Variants in KLF12 observed in about 807,000 individuals in gnomAD.
KLF12 encodes Krueppel-like factor 12.
KLF12 carries 9 observed loss-of-function variants against 37.8 expected under a neutral mutation model. The observed-to-expected ratio is 0.24, with a 90% confidence interval of 0.14 to 0.42. The LOEUF (loss-of-function observed/expected upper bound fraction) is 0.42. Ranked by LOEUF, KLF12 falls within the 10% of genes least tolerant of loss-of-function variation. KLF12 has a pLI of 1.00. For missense variants in KLF12, 411 were observed against 516.0 expected (o/e 0.80, Z 1.97); for synonymous variants, 208 against 202.1 (o/e 1.03, Z -0.25).
chr13:74,087,079 T>A (rs1056176056), intron 1 of KLF12, among the ~76,000 whole-genome samples: 2 of 152,184 alleles, frequency 1.3e-5, no homozygotes, highest in Non-Finnish European at 2.9e-5. Flanking sequence ...GGGTCAACTG[T>A]GCTGTCTGGA....
chr13:73,829,959 T>C (rs570847974), intron 4 of KLF12, among the ~76,000 whole-genome samples: 6 of 152,220 alleles, frequency 3.9e-5, no homozygotes, highest in Non-Finnish European at 5.9e-5. Context: ...CAAAATTATA[T>C]AGTTAAAACT....
rs796627936 is a variant in KLF12, at chr13:73,987,687, GAGA to G, written c.33+7300_33+7302del. 7.2e-5 allele frequency among the ~76,000 whole-genome samples: 10 copies of G among 139,430 alleles called. No homozygotes were observed. The South Asian group carries it at 1.1e-3, about 15-fold the overall frequency. The allele number at this position is 139,430 out of a possible 152,430, so 91.5% of individuals were successfully genotyped here. On this transcript the variant is annotated intron_variant, in intron 2 of 7. Transcript: ENST00000377669. ...GGAAGAGAGGAAATTGGAGAGAGGA[GAGA>G]AGAAGTGGGAGAGGAGAGAGAAAGT...
chr13:74,068,558 C>CTTT (rs71115634), intron 1 of KLF12, among the ~76,000 whole-genome samples: 6 of 135,148 alleles, frequency 4.4e-5, no homozygotes, highest in Non-Finnish European at 6.3e-5. Flanking sequence ...AAATTTTTTT[C>CTTT]TTTTTTTTTT....
intron 5 of KLF12, among the ~76,000 whole-genome samples, chr13:73,770,061 AAGC>A (rs1880172672): frequency 6.6e-6 from 1 of 152,222 alleles, no homozygotes; most frequent in Admixed American, 6.5e-5. Flanking sequence ...ACATTGTGCA[AAGC>A]ATTAAACATA....
Position 74,080,017 on chromosome 13 carries a change from T to C in KLF12, c.-32+53722A>G, listed in dbSNP as rs549846061. 1.3e-3 allele frequency among the ~76,000 whole-genome samples: 194 copies of C among 152,318 alleles called. 1 individual carries two copies. The highest frequency in any genetic ancestry group is 1.4e-3 in the Non-Finnish European group (97 of 68,028). ...GGATACACAAAATGTGGTAGACACA[T>C]ACTATGTACTATTATTCAGCCTTAT... On this transcript the variant is annotated intron_variant, in intron 1 of 7. Transcript: ENST00000377669.
chr13:74,234,317 A>G, the KLF12 span, among the ~76,000 whole-genome samples: 1 of 152,180 alleles, frequency 6.6e-6, no homozygotes, highest in Non-Finnish European at 1.5e-5. Context: ...GTAGAATTCA[A>G]ATTTTAGAAT....
chr13:74,164,582 T>C, the KLF12 span, among the ~76,000 whole-genome samples: 1 of 152,200 alleles, frequency 6.6e-6, no homozygotes, highest in Non-Finnish European at 1.5e-5. Context: ...TGTATGTTCT[T>C]TTGAAGTGTA....
the KLF12 span, among the ~76,000 whole-genome samples, chr13:74,229,227 A>T: frequency 6.6e-6 from 1 of 152,182 alleles, no homozygotes; most frequent in African/African-American, 2.4e-5. Flanking sequence ...TTTTGTGTGA[A>T]ATTATAAGGG....
chr13:73,989,497 G>C (rs1384659614), intron 2 of KLF12, among the ~76,000 whole-genome samples: 1 of 152,188 alleles, frequency 6.6e-6, no homozygotes, highest in African/African-American at 2.4e-5. Flanking sequence ...CCTCATGAAG[G>C]GGTTCATGCG....
chr13:73,948,107 G>A (rs1890509891), intron 2 of KLF12, among the ~76,000 whole-genome samples: 1 of 152,198 alleles, frequency 6.6e-6, no homozygotes, highest in African/African-American at 2.4e-5. Context: ...TACAGGTGAT[G>A]AGAAATAAGA....
rs572764007 is a variant in KLF12 at position 73,694,784 on chromosome 13, C to T, written c.*706G>A. On this transcript the variant is annotated 3_prime_UTR_variant, in exon 8 of 8. Coordinates refer to ENST00000377669, the MANE Select transcript of KLF12 (RefSeq NM_007249.5). Reference sequence around the variant, plus strand: ...GACCAGGACGAGACTTCAACTGCCCCTCTGCTCGAACAGATGAACAAAACA... The same window carrying T: ...GACCAGGACGAGACTTCAACTGCCCTTCTGCTCGAACAGATGAACAAAACA... The T allele has an allele frequency of 2.6e-5, 4 of 152,820 alleles. No individual in the cohort carries two copies. The highest frequency in any genetic ancestry group is 9.6e-5 in the African/African-American group (4 of 41,568). 9.5% of individuals were successfully genotyped at this position (152,820 alleles called of 1,614,324 possible).
upstream of KLF12, among the ~76,000 whole-genome samples, chr13:74,134,552 C>T (rs1287692656): frequency 6.6e-6 from 1 of 150,922 alleles, no homozygotes; most frequent in Admixed American, 6.6e-5. Flanking sequence ...CCCACCCCTG[C>T]CCCCGCCCTC....
At chr13:73,816,051 G>C (rs1883198340) in intron 4 of KLF12, among the ~76,000 whole-genome samples, 1 of 152,126 alleles carries the variant, frequency 6.6e-6, no homozygotes, top group African/African-American at 2.4e-5. Context: ...CCATCATGCT[G>C]GGAAAATCTT....
At chr13:74,254,246 C>A in the KLF12 span, among the ~76,000 whole-genome samples, 1 of 151,910 alleles carries the variant, frequency 6.6e-6, no homozygotes, top group South Asian at 2.1e-4. Flanking sequence ...TTCTTGGTAC[C>A]AATTAACTAG....
intron 6 of KLF12, among the ~76,000 whole-genome samples, chr13:73,734,595 T>A (rs1042215776): frequency 7.2e-5 from 11 of 151,868 alleles, no homozygotes; most frequent in African/African-American, 2.7e-4. Flanking sequence ...AAAATATTTT[T>A]AAAATGTCTT....
chr13:73,876,317 G>A (rs905032378), intron 3 of KLF12, among the ~76,000 whole-genome samples: 2 of 152,106 alleles, frequency 1.3e-5, no homozygotes, highest in African/African-American at 2.4e-5. Context: ...AGCTTTTAGT[G>A]GCTACTCTCA....
chr13:73,829,594 T>A (rs1412486099), intron 4 of KLF12, among the ~76,000 whole-genome samples: 1 of 152,206 alleles, frequency 6.6e-6, no homozygotes, highest in Non-Finnish European at 1.5e-5. Context: ...AGTACCAAGT[T>A]CTTCTCTGAG....
chr13:73,891,221 G>T (rs1310138354), intron 3 of KLF12, among the ~76,000 whole-genome samples: 1 of 151,922 alleles, frequency 6.6e-6, no homozygotes, highest in Admixed American at 6.6e-5. Context: ...AGTCAGCAAA[G>T]ATTTTAAAAA....
At chr13:74,024,861 T>G (rs1273712336) in intron 1 of KLF12, among the ~76,000 whole-genome samples, 1 of 152,190 alleles carries the variant, frequency 6.6e-6, no homozygotes, top group African/African-American at 2.4e-5. Context: ...ATACTTCAAA[T>G]ATTTGATACT....
Sources: gnomAD v4.1 joint callset for allele counts (sites outside exome capture counted in the v4.1 genomes callset) on GRCh38, gnomAD v4.1.1 for gene constraint, MANE v1.5 for transcripts, NCBI Gene and HGNC (gene_info 2026-07-23, HGNC 2026-07-21) for gene names.